Variants in MAGI1 observed in about 807,000 individuals in gnomAD.
The protein encoded by MAGI1 is membrane associated guanylate kinase, WW and PDZ domain containing 1.
Under a neutral mutation model 139.9 loss-of-function variants are expected in MAGI1, and 58 were observed. That is an observed-to-expected ratio of 0.41 (90% CI 0.34 to 0.52). MAGI1 has a LOEUF of 0.52. Ranked by LOEUF, MAGI1 falls within the 20% of genes least tolerant of loss-of-function variation. The probability of loss-of-function intolerance (pLI) is 0.12; values close to 1 mark genes in which losing one functional copy is unlikely to be tolerated. For missense variants in MAGI1, 1,874 were observed against 1,901.6 expected (o/e 0.99, Z 0.27); for synonymous variants, 812 against 737.9 (o/e 1.10, Z -1.63).
intron 1 of MAGI1, among the ~76,000 whole-genome samples, chr3:65,689,823 T>C (rs2088412632): frequency 6.6e-6 from 1 of 152,228 alleles, no homozygotes; most frequent in African/African-American, 2.4e-5. Context: ...AACTGAAATC[T>C]TTTTAATTCA....
rs151145344 is a variant in MAGI1 at position 65,458,351 on chromosome 3, T to C, written c.960-5011A>G. Among the ~76,000 whole-genome samples, 99 of 151,912 alleles carry C rather than the reference T, an allele frequency of 6.5e-4. No individual in the cohort carries two copies. The East Asian group carries it at 0.019, about 29-fold the overall frequency. The stretch of plus-strand genomic sequence containing the variant: ...ATGTGATAGCTCTATTTTTAGTTTT[T>C]CTGTTTGTTTGTTTTTTTTTTTTGG... On this transcript the variant is annotated intron_variant, in intron 5 of 22. Transcript: ENST00000402939.
chr3:65,595,398 GT>G (rs1404114167), intron 2 of MAGI1, among the ~76,000 whole-genome samples: 1 of 152,198 alleles, frequency 6.6e-6, no homozygotes, highest in Non-Finnish European at 1.5e-5. Context: ...ATGTGAAACT[GT>G]TTTGCCACAA....
At chr3:65,972,686 G>C (rs1261546635) in intron 1 of MAGI1, among the ~76,000 whole-genome samples, 1 of 152,086 alleles carries the variant, frequency 6.6e-6, no homozygotes, top group African/African-American at 2.4e-5. Flanking sequence ...TAACGATGAA[G>C]AACAACAAGG....
rs2064211957 is a variant in MAGI1 at position 65,957,843 on chromosome 3, A to G, written c.313+80153T>C. The stretch of plus-strand genomic sequence containing the variant: ...GAGTACAGTGGTATGATCTTGGCTC[A>G]TTGCAACCTCTGCCTCCCAGGTTCA... On this transcript the variant is annotated intron_variant, in intron 1 of 22. Coordinates refer to ENST00000402939, the MANE Select transcript of MAGI1 (RefSeq NM_001033057.2). Among the ~76,000 whole-genome samples, 3 of 152,046 alleles carry G rather than the reference A, an allele frequency of 2.0e-5. No individual in the cohort carries two copies. The South Asian group carries it at 6.2e-4, about 32-fold the overall frequency.
intron 3 of MAGI1, among the ~76,000 whole-genome samples, chr3:65,483,539 TG>T (rs1253704131): frequency 6.6e-6 from 1 of 152,208 alleles, no homozygotes; most frequent in African/African-American, 2.4e-5. Context: ...AAAAATCATC[TG>T]AAAAATTGTA....
At position 65,353,667 on chromosome 3, in the gene MAGI1, A is replaced by T. The variant is rs1238275789; in HGVS notation, c.*2711T>A. The T allele has an allele frequency of 6.6e-6, 1 of 152,194 alleles. No homozygotes were observed. The highest frequency in any genetic ancestry group is 6.5e-5 in the Admixed American group (1 of 15,278). 9.4% of individuals were successfully genotyped at this position (152,194 alleles called of 1,614,324 possible). On this transcript the variant is annotated 3_prime_UTR_variant, in exon 23 of 23. Transcript: ENST00000402939. ...CTTTCAGGCATCAACTGTGTAACGG[A>T]GGGAGACAAATTCCTAAATCGTTTG... is the stretch of plus-strand genomic sequence containing the variant.
At chr3:65,497,962 G>A (rs998596459) in intron 2 of MAGI1, among the ~76,000 whole-genome samples, 3 of 152,142 alleles carry the variant, frequency 2.0e-5, no homozygotes, top group African/African-American at 7.2e-5. Context: ...CCATGCTCAG[G>A]CTAGCAGGAG....
chr3:65,947,350 A>C (rs970949417), intron 1 of MAGI1, among the ~76,000 whole-genome samples: 16 of 152,200 alleles, frequency 1.1e-4, no homozygotes, highest in African/African-American at 3.9e-4. Flanking sequence ...GTAAGGTATA[A>C]ATATCTCCTA....
intron 1 of MAGI1, among the ~76,000 whole-genome samples, chr3:65,643,491 A>C (rs893723008): frequency 3.3e-5 from 5 of 152,164 alleles, no homozygotes; most frequent in African/African-American, 1.2e-4. Flanking sequence ...TGGATCTAGG[A>C]AATTAAGAAG....
chr3:65,541,458 G>C (rs972923957), intron 2 of MAGI1, among the ~76,000 whole-genome samples: 1 of 152,068 alleles, frequency 6.6e-6, no homozygotes, highest in Non-Finnish European at 1.5e-5. Context: ...ACCTGGCAGA[G>C]ACAAAACAAA....
chr3:65,807,069 G>A (rs1463226550), intron 1 of MAGI1, among the ~76,000 whole-genome samples: 4 of 152,134 alleles, frequency 2.6e-5, no homozygotes, highest in Non-Finnish European at 5.9e-5. Flanking sequence ...CTATGAGACA[G>A]GTATTCTAAT....
chr3:65,723,409 C>T (rs561769307), intron 1 of MAGI1, among the ~76,000 whole-genome samples: 1 of 152,286 alleles, frequency 6.6e-6, no homozygotes, highest in South Asian at 2.1e-4. Context: ...CCCAAAGTAG[C>T]TCCAAAAGAA....
At chr3:65,898,381 A>T (rs1016759167) in intron 1 of MAGI1, among the ~76,000 whole-genome samples, 1 of 152,210 alleles carries the variant, frequency 6.6e-6, no homozygotes, top group African/African-American at 2.4e-5. Context: ...GGAAGAGTTT[A>T]GTGTGGCATC....
chr3:65,866,282 T>C (rs886686434), intron 1 of MAGI1, among the ~76,000 whole-genome samples: 1 of 151,288 alleles, frequency 6.6e-6, no homozygotes, highest in African/African-American at 2.4e-5. Flanking sequence ...GGTGTGATCA[T>C]GGCTCACTGC....
chr3:65,865,594 T>A lies in MAGI1; in HGVS notation c.313+172402A>T, dbSNP rs145332635. 5.4e-4 allele frequency among the ~76,000 whole-genome samples: 83 copies of A among 152,312 alleles called. No homozygotes were observed. In the East Asian group the frequency reaches 0.013, roughly 24 times the overall value. ...CTGGGTGACAGAGTGAGATCCTGTC[T>A]CAAAAAATAAAAATAAAAAATAAGC... On this transcript the variant is annotated intron_variant, in intron 1 of 22. Coordinates refer to ENST00000402939, the MANE Select transcript of MAGI1 (RefSeq NM_001033057.2).
intron 12 of MAGI1, among the ~76,000 whole-genome samples, chr3:65,419,830 G>A (rs191389290): frequency 9.9e-5 from 15 of 152,066 alleles, no homozygotes; most frequent in African/African-American, 3.1e-4. Flanking sequence ...TTTACATATC[G>A]CCTGCTACAA....
intron 2 of MAGI1, among the ~76,000 whole-genome samples, chr3:65,508,212 G>A (rs914852059): frequency 1.3e-5 from 2 of 152,072 alleles, no homozygotes; most frequent in Non-Finnish European, 2.9e-5. Flanking sequence ...CACCATCCTG[G>A]CTAACACGGT....
At chr3:65,818,172 G>C (rs1169543343) in intron 1 of MAGI1, among the ~76,000 whole-genome samples, 1 of 152,072 alleles carries the variant, frequency 6.6e-6, no homozygotes, top group Non-Finnish European at 1.5e-5. Context: ...CACTGTCCCA[G>C]TCCAGAAAAC....
At chr3:65,721,677 A>G (rs537801716) in intron 1 of MAGI1, among the ~76,000 whole-genome samples, 1 of 152,276 alleles carries the variant, frequency 6.6e-6, no homozygotes, top group African/African-American at 2.4e-5. Flanking sequence ...CAGAAATGTA[A>G]AAGAGAAAAA....
Sources: gnomAD v4.1 joint callset for allele counts (sites outside exome capture counted in the v4.1 genomes callset) on GRCh38, gnomAD v4.1.1 for gene constraint, MANE v1.5 for transcripts, NCBI Gene and HGNC (gene_info 2026-07-23, HGNC 2026-07-21) for gene names.